Variants in HPSE2 observed in about 807,000 individuals in gnomAD.
HPSE2 encodes inactive heparanase-2.
Under a neutral mutation model 60.5 loss-of-function variants are expected in HPSE2, and 38 were observed. That is an observed-to-expected ratio of 0.63 (90% CI 0.48 to 0.82). The LOEUF (loss-of-function observed/expected upper bound fraction) is 0.82. Ranked by LOEUF, HPSE2 falls within the 40% of genes least tolerant of loss-of-function variation. HPSE2 has a pLI of 0.00. For synonymous variants in HPSE2, 295 were observed against 293.2 expected, an observed-to-expected ratio of 1.01 and a Z score of -0.06; for missense variants, 713 against 740.4, an observed-to-expected ratio of 0.96 and a Z score of 0.43.
At chr10:99,234,403 A>T (rs1245261699) in intron 1 of HPSE2, among the ~76,000 whole-genome samples, 1 of 152,228 alleles carries the variant, frequency 6.6e-6, no homozygotes, top group East Asian at 1.9e-4. Flanking sequence ...AGTGAAAAAT[A>T]CGAAGGACGC....
intron 3 of HPSE2, among the ~76,000 whole-genome samples, chr10:99,024,004 C>A (rs1297805001): frequency 1.3e-5 from 2 of 152,226 alleles, no homozygotes; most frequent in Non-Finnish European, 2.9e-5. Flanking sequence ...AAATAAGGTG[C>A]TGCTGACCAA....
the HPSE2 span, among the ~76,000 whole-genome samples, chr10:99,314,467 T>C: frequency 1.3e-5 from 2 of 152,206 alleles, no homozygotes; most frequent in Non-Finnish European, 2.9e-5. Flanking sequence ...CTGGCCTAAA[T>C]ATTTTTAAAT....
rs578120291 is a variant in HPSE2, at chr10:98,513,687, G to A, written c.1321-23491C>T. ...AAAAAATGACAACAATATGCTTTTG[G>A]TAAGAGCTATTTTTTGGCAGAAATG... On this transcript the variant is annotated intron_variant, in intron 9 of 11. Coordinates refer to ENST00000370552, the MANE Select transcript of HPSE2 (RefSeq NM_021828.5). Among the ~76,000 whole-genome samples the A allele has an allele frequency of 5.6e-4, 85 of 152,336 alleles. 1 individual carries two copies. The highest frequency in any genetic ancestry group is 1.9e-3 in the African/African-American group (78 of 41,570).
At chr10:98,857,195 A>G (rs945938164) in intron 3 of HPSE2, among the ~76,000 whole-genome samples, 2 of 152,142 alleles carry the variant, frequency 1.3e-5, no homozygotes, top group African/African-American at 4.8e-5. Flanking sequence ...TCTTCTGTCT[A>G]CCTTAAGAAG....
At chr10:98,822,598 G>T (rs1375600254) in intron 3 of HPSE2, among the ~76,000 whole-genome samples, 1 of 152,044 alleles carries the variant, frequency 6.6e-6, no homozygotes, top group African/African-American at 2.4e-5. Context: ...AGTGGAAATG[G>T]ATTAAGAATT....
At position 99,036,820 on chromosome 10, in the gene HPSE2, T is replaced by G. The variant is rs77002836; in HGVS notation, c.610+107418A>C. Reference sequence around the variant, plus strand: ...CATATGTCCAGAAATCCCTCCATACTCCTCGTTTCATGGGGTGAAGCTTAA... The same window carrying G: ...CATATGTCCAGAAATCCCTCCATACGCCTCGTTTCATGGGGTGAAGCTTAA... On this transcript the variant is annotated intron_variant, in intron 3 of 11. Coordinates refer to ENST00000370552, the MANE Select transcript of HPSE2 (RefSeq NM_021828.5). 2.6e-5 allele frequency among the ~76,000 whole-genome samples: 4 copies of G among 152,312 alleles called. No homozygotes were observed. In the East Asian group the frequency reaches 7.7e-4, roughly 29 times the overall value.
Position 98,699,669 on chromosome 10 carries a change from G to A in HPSE2, c.957-5722C>T, listed in dbSNP as rs888780419. ...CAATTAGGCAGGAGAAGGAAATAAAGGGTATTCAATTAGGAAAAGGGGAAG... is the reference window on the plus strand; with the variant it reads ...CAATTAGGCAGGAGAAGGAAATAAAAGGTATTCAATTAGGAAAAGGGGAAG... On this transcript the variant is annotated intron_variant, in intron 5 of 11. Coordinates refer to ENST00000370552, the MANE Select transcript of HPSE2 (RefSeq NM_021828.5). Among the ~76,000 whole-genome samples, 6 of 126,304 alleles carry A rather than the reference G, an allele frequency of 4.8e-5. No homozygotes were observed. The East Asian group carries it at 1.3e-3, about 27-fold the overall frequency. 82.9% of individuals were successfully genotyped at this position (126,304 alleles called of 152,430 possible).
intron 4 of HPSE2, among the ~76,000 whole-genome samples, chr10:98,726,581 C>T (rs1420135861): frequency 6.7e-6 from 1 of 150,106 alleles, no homozygotes; most frequent in East Asian, 2.0e-4. Context: ...CATATGTATA[C>T]ATATGTAAAA....
chr10:98,995,648 T>C (rs1266724974), intron 3 of HPSE2, among the ~76,000 whole-genome samples: 3 of 151,854 alleles, frequency 2.0e-5, no homozygotes, highest in African/African-American at 7.3e-5. Flanking sequence ...AAAACACCAT[T>C]GAGAAAATAA....
chr10:98,643,274 C>G (rs1054780173), intron 6 of HPSE2, among the ~76,000 whole-genome samples: 2 of 152,156 alleles, frequency 1.3e-5, no homozygotes, highest in African/African-American at 4.8e-5. Context: ...GATAATATAT[C>G]TTCTCCTCAG....
chr10:99,014,214 G>A (rs1416843605), intron 3 of HPSE2, among the ~76,000 whole-genome samples: 1 of 152,152 alleles, frequency 6.6e-6, no homozygotes, highest in East Asian at 1.9e-4. Context: ...GCAAGCCACC[G>A]TCCTCCCCAT....
chr10:98,934,918 C>A lies in HPSE2; in HGVS notation c.611-190862G>T, dbSNP rs1318505741. Among the ~76,000 whole-genome samples the A allele has an allele frequency of 2.8e-5, 4 of 143,346 alleles. 1 individual carries two copies. The highest frequency in any genetic ancestry group is 1.1e-4 in the African/African-American group (4 of 35,050). 94.0% of individuals were successfully genotyped at this position (143,346 alleles called of 152,430 possible). ...CATTCTCCCCATCTCTTTCAGGTAT[C>A]CAAACAGTCACAGGTTTGGTCTTTT... On this transcript the variant is annotated intron_variant, in intron 3 of 11. Transcript: ENST00000370552.
chr10:98,748,453 T>C (rs1296989179), intron 3 of HPSE2, among the ~76,000 whole-genome samples: 3 of 152,300 alleles, frequency 2.0e-5, no homozygotes, highest in Admixed American at 2.0e-4. Flanking sequence ...AACAAATAGA[T>C]ACTTAAAGAT....
intron 6 of HPSE2, among the ~76,000 whole-genome samples, chr10:98,644,274 A>G (rs1041687431): frequency 2.0e-5 from 3 of 152,124 alleles, no homozygotes; most frequent in African/African-American, 7.2e-5. Context: ...TGTCATATAA[A>G]AGCTATTCAA....
At chr10:98,527,269 T>C (rs1942995606) in intron 9 of HPSE2, among the ~76,000 whole-genome samples, 2 of 152,130 alleles carry the variant, frequency 1.3e-5, no homozygotes, top group Non-Finnish European at 2.9e-5. Context: ...ATAACTTAAA[T>C]CCAATTATAT....
At chr10:98,747,006 C>T (rs1011616651) in intron 3 of HPSE2, among the ~76,000 whole-genome samples, 2 of 151,928 alleles carry the variant, frequency 1.3e-5, no homozygotes, top group Non-Finnish European at 2.9e-5. Flanking sequence ...TTCTAATATA[C>T]TATGAGCTTT....
chr10:98,830,848 G>A (rs1317656102), intron 3 of HPSE2, among the ~76,000 whole-genome samples: 1 of 152,158 alleles, frequency 6.6e-6, no homozygotes, highest in African/African-American at 2.4e-5. Flanking sequence ...TTTCAATAAT[G>A]GAGATGAAAT....
At chr10:99,180,496 T>G (rs1847715900) in intron 2 of HPSE2, among the ~76,000 whole-genome samples, 2 of 151,890 alleles carry the variant, frequency 1.3e-5, no homozygotes, top group African/African-American at 4.8e-5. Flanking sequence ...AACAAACATA[T>G]GAAAAAAAGC....
chr10:98,588,311 G>C (rs976882979), intron 9 of HPSE2, among the ~76,000 whole-genome samples: 6 of 152,110 alleles, frequency 3.9e-5, no homozygotes, highest in Admixed American at 3.9e-4. Flanking sequence ...CAGAAAAGAG[G>C]CCCAGTGTTT....
Sources: gnomAD v4.1 joint callset for allele counts (sites outside exome capture counted in the v4.1 genomes callset) on GRCh38, gnomAD v4.1.1 for gene constraint, MANE v1.5 for transcripts, NCBI Gene and HGNC (gene_info 2026-07-23, HGNC 2026-07-21) for gene names.